RIN1: variants seen among roughly 807,000 people sequenced by gnomAD.
RIN1 encodes the protein ras inhibitor 1.
RIN1 carries 52 observed loss-of-function variants against 64.9 expected under a neutral mutation model. The ratio of observed to expected loss-of-function variants is 0.80; its 90% CI spans 0.64 to 1.01. RIN1 has a LOEUF of 1.01. Among genes scored for constraint, RIN1 ranks in the 50% least tolerant of loss-of-function variants. The pLI is 0.00. For missense variants in RIN1, 1,040 were observed against 1,064.5 expected (o/e 0.98, Z 0.32); for synonymous variants, 486 against 483.6 (o/e 1.00, Z -0.06).
At chr11:66,333,112 A>G (rs1854777333) in intron 9 of RIN1, 146 bp downstream of exon 9, 12 of 945,712 alleles carry the variant, frequency 1.3e-5, no homozygotes, top group Middle Eastern at 6.6e-4. Flanking sequence ...GTAGTTAAGT[A>G]ACTCGCCCAA....
Position 66,335,601 on chromosome 11 carries a change from C to A in RIN1, c.455+9G>T, listed in dbSNP as rs1275597279. On this transcript the variant is annotated intron_variant, in intron 4 of 9. Transcript: ENST00000311320. Reference sequence around the variant, plus strand: ...CCGTGGACACCAGGCACCCTGCGGGCAGACTCACCGGGTGTGGCAGTAGGC... The same window carrying A: ...CCGTGGACACCAGGCACCCTGCGGGAAGACTCACCGGGTGTGGCAGTAGGC... The A allele has an allele frequency of 6.2e-7, 1 of 1,613,580 alleles. No homozygotes were observed. The highest frequency in any genetic ancestry group is 8.5e-7 in the Non-Finnish European group (1 of 1,179,764).
chr11:66,335,777 G>A lies in RIN1; in HGVS notation c.367C>T (p.Leu123=). The A allele has an allele frequency of 6.2e-7, 1 of 1,612,936 alleles. No homozygotes were observed. The highest frequency in any genetic ancestry group is 8.5e-7 in the Non-Finnish European group (1 of 1,179,236). ...AGCCCCTCACCGCCAGGGCTCTCCA[G>A]GATGTAGTGGCTGGAGACGAAGGAG... ...GPSFVSSHYI[L]ESPGGVSLEG... The change falls in exon 3 of 10, where the codon CTG becomes TTG. Residue 123 remains leucine (L), a synonymous_variant. Coordinates refer to ENST00000311320, the MANE Select transcript of RIN1 (RefSeq NM_004292.3).
Position 66,336,082 on chromosome 11 carries a change from C to A in RIN1, c.163G>T (p.Val55Phe), listed in dbSNP as rs773943160. The change falls in exon 2 of 10, where the codon GTT becomes TTT. Residue 55 changes from valine (V) to phenylalanine (F), a missense_variant. Coordinates refer to ENST00000311320, the MANE Select transcript of RIN1 (RefSeq NM_004292.3). ...QAGGPQRPGR[V>F]VSLRERLLLT... ...AGCAGGCGCTCCCGCAGGCTCACAA[C>A]GCGCCCCGGCCGCTGCGGCCCGCCT... is the stretch of plus-strand genomic sequence containing the variant. 1.4e-5 allele frequency: 20 copies of A among 1,457,652 alleles called. No individual in the cohort carries two copies. Among genetic ancestry groups the A allele is most frequent in the Non-Finnish European group, 1.7e-5 (19 of 1,106,194 alleles). 90.3% of individuals were successfully genotyped at this position (1,457,652 alleles called of 1,614,324 possible). A position where few individuals can be genotyped will look rare whatever the true frequency, so the allele number is the denominator to read the frequency against.
rs11227461 is a variant in RIN1 at position 66,332,530 on chromosome 11, C to T, written c.2098G>A (p.Val700Ile). The T allele has an allele frequency of 1.1e-3, 1,760 of 1,613,596 alleles. 19 individuals are homozygous for T. In the African/African-American group the frequency reaches 0.012, roughly 11 times the overall value. Residue 700 changes from valine to isoleucine, a missense_variant, in exon 10 of 10, where the codon GTC becomes ATC. Transcript: ENST00000311320. Reference protein sequence around the residue: ...AHRLPTTGYLVYRRAEWPETQ... With the variant: ...AHRLPTTGYLIYRRAEWPETQ... ...TCAGGCCACTCCGCCCGGCGGTAGA[C>T]GAGGTAGCCAGTGGTGGGCAGCCTG...
Position 66,334,906 on chromosome 11 carries a change from G to C in RIN1, c.893C>G (p.Pro298Arg), listed in dbSNP as rs143733163. The change falls in exon 6 of 10, where the codon CCA (proline) becomes CGA (arginine). Residue 298 changes from proline (P) to arginine (R), a missense_variant. Physicochemically the swap from Pro to Arg is moderately radical, Grantham distance 103. Transcript: ENST00000311320. ...RRESSVGYRV[P>R]AGSGPSLPPM... ...CGGAAGGCTAGGGCCACTGCCTGCT[G>C]GCACGCGGTACCCCACTGAGCTCTC... is the stretch of plus-strand genomic sequence containing the variant. 788 of 1,579,988 alleles carry C rather than the reference G, an allele frequency of 5.0e-4. 1 individual carries two copies. Among genetic ancestry groups the C allele is most frequent in the Middle Eastern group, 2.0e-3 (12 of 5,960 alleles).
chr11:66,333,883 G>GGGGAA (rs1565200228), intron 7 of RIN1, 36 bp downstream of exon 7: 29 of 1,478,286 alleles, frequency 2.0e-5, no homozygotes, highest in Non-Finnish European at 2.5e-5. Flanking sequence ...CTGACTCAAA[G>GGGGAA]GGGCAGGGCA....
chr11:66,335,833 AGGGCCT>A lies in RIN1; in HGVS notation c.305_310del (p.Gln102_Ala103del), dbSNP rs1287589570. On this transcript the variant is annotated inframe_deletion, in exon 3 of 10. Transcript: ENST00000311320. Reference sequence around the variant, plus strand: ...ACTGGCTTCAGGCAACCGCATGCACAGGGCCTGGCACTGGCGGGTGTTAGATTTCCG... The same window carrying A: ...ACTGGCTTCAGGCAACCGCATGCACAGGCACTGGCGGGTGTTAGATTTCCG... 1 of 1,602,254 alleles carries A rather than the reference AGGGCCT, an allele frequency of 6.2e-7. No individual in the cohort carries two copies. Among genetic ancestry groups the A allele is most frequent in the Non-Finnish European group, 8.5e-7 (1 of 1,173,096 alleles).
rs201132980 is a variant in RIN1, at chr11:66,334,591, C to G, written c.1208G>C (p.Arg403Pro). The G allele has an allele frequency of 1.3e-6, 2 of 1,584,340 alleles. No individual in the cohort carries two copies. The highest frequency in any genetic ancestry group is 1.3e-5 in the African/African-American group (1 of 74,764). ...GPEPQELQGI[R>P]QALSRARAML... The stretch of plus-strand genomic sequence containing the variant: ...GGCCCGGGCCCGGCTCAGCGCCTGA[C>G]GGATGCCCTGCAGCTCCTGGGGCTC... Residue 403 changes from arginine (R) to proline (P), a missense_variant, in exon 6 of 10, where the codon CGT (arginine) becomes CCT (proline). Physicochemically the swap from Arg to Pro is moderately radical, Grantham distance 103 (BLOSUM62 -2). Transcript: ENST00000311320.
At position 66,331,250 on chromosome 11, in the gene RIN1, A is replaced by T. The variant is rs1402125167; in HGVS notation, c.*1026T>A. The T allele has an allele frequency of 6.6e-6, 1 of 152,310 alleles. No individual in the cohort carries two copies. Among genetic ancestry groups the T allele is most frequent in the Admixed American group, 6.5e-5 (1 of 15,280 alleles). The allele number at this position is 152,310 out of a possible 1,614,324, so 9.4% of individuals were successfully genotyped here. The stretch of plus-strand genomic sequence containing the variant: ...GAATGGAGGGTGGAGTTGGAACCTG[A>T]TGCCCTGGTTTGGGCGGGGGAACCC... On this transcript the variant is annotated 3_prime_UTR_variant, in exon 10 of 10. Coordinates refer to ENST00000311320, the MANE Select transcript of RIN1 (RefSeq NM_004292.3).
At chr11:66,335,373 T>C in intron 5 of RIN1, 34 bp downstream of exon 5, 1 of 1,575,860 alleles carries the variant, frequency 6.3e-7, no homozygotes. Context: ...CCTCAGCTTG[T>C]TCATCTGTGC....
chr11:66,334,113 G>C lies in RIN1; in HGVS notation c.1397C>G (p.Ala466Gly). ...LAADGSLGRLAEGLRLARAQG... is the reference protein window; with the variant it reads ...LAADGSLGRLGEGLRLARAQG... Reference sequence around the variant, plus strand: ...GGCCCGGGCCAGGCGGAGGCCCTCAGCTAGGCGGCCCAGGGAGCCGTCTGC... The same window carrying C: ...GGCCCGGGCCAGGCGGAGGCCCTCACCTAGGCGGCCCAGGGAGCCGTCTGC... Residue 466 changes from alanine (A) to glycine (G), a missense_variant, in exon 7 of 10, where the codon GCT becomes GGT. Ala to Gly is a moderately conservative substitution (Grantham distance 60). Coordinates refer to ENST00000311320, the MANE Select transcript of RIN1 (RefSeq NM_004292.3). The C allele has an allele frequency of 6.4e-7, 1 of 1,554,068 alleles. No homozygotes were observed. Among genetic ancestry groups the C allele is most frequent in the Non-Finnish European group, 8.7e-7 (1 of 1,149,554 alleles).
rs1022912510 is a variant in RIN1, at chr11:66,331,993, C to G, written c.*283G>C. 5 of 505,816 alleles carry G rather than the reference C, an allele frequency of 9.9e-6. No individual in the cohort carries two copies. The highest frequency in any genetic ancestry group is 9.6e-5 in the African/African-American group (5 of 52,054). The allele number at this position is 505,816 out of a possible 1,614,324, so 31.3% of individuals were successfully genotyped here. ...AGGTTGGGCATCTGTCGGATTCGCCCCCACTTGGCACACCCTCATTGCAGG... is the reference window on the plus strand; with the variant it reads ...AGGTTGGGCATCTGTCGGATTCGCCGCCACTTGGCACACCCTCATTGCAGG... On this transcript the variant is annotated 3_prime_UTR_variant, in exon 10 of 10. Coordinates refer to ENST00000311320, the MANE Select transcript of RIN1 (RefSeq NM_004292.3).
Position 66,334,184 on chromosome 11 carries a change from C to T in RIN1, c.1326G>A (p.Lys442=). The change falls in exon 7 of 10, where the codon AAG becomes AAA. Residue 442 remains lysine, a synonymous_variant. Transcript: ENST00000311320. ...LEKSLHCSVL[K]PLRPILAARL... The stretch of plus-strand genomic sequence containing the variant: ...GGGCTGCCAGGATGGGCCGGAGAGG[C>T]TTGAGCACAGAGCAATGCAATGACT... 1.4e-6 allele frequency: 2 copies of T among 1,472,020 alleles called. No individual in the cohort carries two copies. Among genetic ancestry groups the T allele is most frequent in the South Asian group, 2.6e-5 (2 of 77,012 alleles). 91.2% of individuals were successfully genotyped at this position (1,472,020 alleles called of 1,614,324 possible). A position where few individuals can be genotyped will look rare whatever the true frequency, so the allele number is the denominator to read the frequency against.
intron 5 of RIN1, 35 bp from the exon 6 acceptor site, chr11:66,335,286 C>T (rs2134946626): frequency 6.4e-7 from 1 of 1,561,546 alleles, no homozygotes; most frequent in East Asian, 2.3e-5. Context: ...GCCTCCGGGA[C>T]TGGTTAGGGG....
rs1854736582 is a variant in RIN1 at position 66,331,661 on chromosome 11, CA to C, written c.*614del. ...CCATGAGCTCTGCTTGTAGCAAAAT[CA>C]CCCATTTTGATCACTGGGACACTTC... On this transcript the variant is annotated 3_prime_UTR_variant, in exon 10 of 10. Transcript: ENST00000311320. 6.6e-6 allele frequency: 1 copy of C among 152,392 alleles called. No homozygotes were observed. Among genetic ancestry groups the C allele is most frequent in the African/African-American group, 2.4e-5 (1 of 41,446 alleles). The allele number at this position is 152,392 out of a possible 1,614,324, so 9.4% of individuals were successfully genotyped here.
chr11:66,334,602 C>T lies in RIN1; in HGVS notation c.1197G>A (p.Leu399=). The part of the protein sequence containing the change: ...QVRAGPEPQE[L]QGIRQALSRA... ...GGCTCAGCGCCTGACGGATGCCCTG[C>T]AGCTCCTGGGGCTCGGGCCCAGCCC... The change falls in exon 6 of 10, where the codon CTG becomes CTA. Residue 399 remains leucine (L), a synonymous_variant. Transcript: ENST00000311320. 6.3e-7 allele frequency: 1 copy of T among 1,583,022 alleles called. No individual in the cohort carries two copies. Among genetic ancestry groups the T allele is most frequent in the South Asian group, 1.2e-5 (1 of 86,950 alleles).
Position 66,332,590 on chromosome 11 carries a change from C to T in RIN1, c.2038G>A (p.Gly680Ser). The change falls in exon 10 of 10, where the codon GGC (glycine) becomes AGC (serine). Residue 680 changes from glycine (G) to serine (S), a missense_variant. By Grantham distance (56) the Gly-to-Ser change is moderately conservative. Coordinates refer to ENST00000311320, the MANE Select transcript of RIN1 (RefSeq NM_004292.3). The part of the protein sequence containing the change: ...TFGLFLYKEQ[G>S]YHRLPPGALA... ...GCCCCAGGGGGCAGGCGGTGGTAGC[C>T]CTGCTCCTTGTACAGGAAGAGGCCA... The T allele has an allele frequency of 6.2e-7, 1 of 1,610,142 alleles. No individual in the cohort carries two copies. The highest frequency in any genetic ancestry group is 1.7e-5 in the Admixed American group (1 of 59,696).
At position 66,334,048 on chromosome 11, in the gene RIN1, A is replaced by G; in HGVS notation, c.1462T>C (p.Ser488Pro). ...GAFGSHLSLPSPVELEQVRQK... is the reference protein window; with the variant it reads ...GAFGSHLSLPPPVELEQVRQK... ...CGCACTTGCTCCAACTCTACTGGGG[A>G]GGGCAGGCTCAGGTGGGACCCGAAG... The change falls in exon 7 of 10, where the codon TCC becomes CCC. Residue 488 changes from serine to proline, a missense_variant. Ser to Pro is a moderately conservative substitution (Grantham distance 74, BLOSUM62 -1). Transcript: ENST00000311320. The G allele has an allele frequency of 6.4e-7, 1 of 1,574,276 alleles. No homozygotes were observed. The highest frequency in any genetic ancestry group is 1.2e-5 in the South Asian group (1 of 85,900).
In RIN1 at chr11:66,332,028, C is replaced by T. The variant is rs181317250; in HGVS notation, c.*248G>A. 1.8e-6 allele frequency: 1 copy of T among 563,762 alleles called. No individual in the cohort carries two copies. Among genetic ancestry groups the T allele is most frequent in the African/African-American group, 1.9e-5 (1 of 53,310 alleles). 34.9% of individuals were successfully genotyped at this position (563,762 alleles called of 1,614,324 possible). ...ACACCCTCATTGCAGGCTGGCTCAC[C>T]CTCAGCTGGGGGAGAAGAACAAGAG... On this transcript the variant is annotated 3_prime_UTR_variant, in exon 10 of 10. Transcript: ENST00000311320.
Sources: allele counts gnomAD v4.1 joint callset, GRCh38; gene constraint gnomAD v4.1.1; transcripts MANE v1.5; gene names NCBI Gene and HGNC (gene_info 2026-07-23, HGNC 2026-07-21).